The following STXBP5L variants were observed in gnomAD, a reference collection of about 807,000 sequenced individuals.
STXBP5L encodes syntaxin-binding protein 5-like.
STXBP5L carries 65 observed loss-of-function variants against 144.5 expected under a neutral mutation model. That is an observed-to-expected ratio of 0.45 (90% CI 0.37 to 0.55). The LOEUF is 0.55. Ranked by LOEUF, STXBP5L falls within the 20% of genes least tolerant of loss-of-function variation. The probability of loss-of-function intolerance (pLI) is 0.00; values close to 1 mark genes in which losing one functional copy is unlikely to be tolerated. For missense variants in STXBP5L, 1,298 were observed against 1,405.5 expected, an observed-to-expected ratio of 0.92 and a Z score of 1.22; for synonymous variants, 505 against 469.6, an observed-to-expected ratio of 1.08 and a Z score of -0.97.
chr3:121,024,973 A>G (rs1177625685), intron 3 of STXBP5L, among the ~76,000 whole-genome samples: 1 of 152,206 alleles, frequency 6.6e-6, no homozygotes, highest in Non-Finnish European at 1.5e-5. Context: ...ATATAACAGA[A>G]TGTTAAAATG....
At chr3:120,929,913 C>A (rs1325146534) in intron 2 of STXBP5L, among the ~76,000 whole-genome samples, 1 of 151,172 alleles carries the variant, frequency 6.6e-6, no homozygotes, top group Non-Finnish European at 1.5e-5. Context: ...CCTTTCATAT[C>A]CCCTTTCTTC....
intron 18 of STXBP5L, among the ~76,000 whole-genome samples, chr3:121,274,500 C>G (rs1417230242): frequency 3.3e-5 from 5 of 152,196 alleles, no homozygotes; most frequent in Non-Finnish European, 5.9e-5. Context: ...CAAAGTGATT[C>G]CTCTTGGCAC....
rs571035253 is a variant in STXBP5L at position 121,118,486 on chromosome 3, G to A, written c.606-3155G>A. Among the ~76,000 whole-genome samples, 5 of 151,738 alleles carry A rather than the reference G, an allele frequency of 3.3e-5. No homozygotes were observed. The South Asian group carries it at 8.3e-4, about 25-fold the overall frequency. ...AGTTTGTTGGAATGGCTGGTGGATA[G>A]GATAGCAAGGGATAAAGCTGGAAGG... On this transcript the variant is annotated intron_variant, in intron 6 of 26. Transcript: ENST00000471454.
intron 9 of STXBP5L, among the ~76,000 whole-genome samples, chr3:121,189,009 A>T (rs1191458571): frequency 6.6e-6 from 1 of 152,218 alleles, no homozygotes; most frequent in Admixed American, 6.5e-5. Context: ...GGAAAAGAGG[A>T]AGTCAAATTG....
intron 15 of STXBP5L, among the ~76,000 whole-genome samples, chr3:121,252,307 A>AATATCATTTTACT (rs2050052859): frequency 6.6e-6 from 1 of 151,816 alleles, no homozygotes; most frequent in East Asian, 1.9e-4. Context: ...CAGAGGTTGC[A>AATATCATTTTACT]GTGAGCCGAG....
intron 11 of STXBP5L, among the ~76,000 whole-genome samples, chr3:121,224,451 C>T (rs2049059958): frequency 6.6e-6 from 1 of 152,032 alleles, no homozygotes; most frequent in Non-Finnish European, 1.5e-5. Context: ...CATTCTATGG[C>T]CCCAGTACTA....
At chr3:121,345,595 C>T (rs1161132145) in intron 20 of STXBP5L, among the ~76,000 whole-genome samples, 1 of 152,072 alleles carries the variant, frequency 6.6e-6, no homozygotes, top group Non-Finnish European at 1.5e-5. Context: ...CTGTCTTCCA[C>T]AATGGTTGAA....
At chr3:120,987,422 A>G (rs1254467378) in intron 3 of STXBP5L, among the ~76,000 whole-genome samples, 1 of 151,944 alleles carries the variant, frequency 6.6e-6, no homozygotes, top group Non-Finnish European at 1.5e-5. Context: ...ATCTTCCTTG[A>G]AATATGTATT....
intron 5 of STXBP5L, among the ~76,000 whole-genome samples, chr3:121,056,223 GAATAA>G (rs755786302): frequency 3.3e-5 from 5 of 152,056 alleles, no homozygotes; most frequent in Non-Finnish European, 5.9e-5. Flanking sequence ...TCTGAGTAAT[GAATAA>G]AATAAAACAT....
chr3:120,940,616 T>A (rs1049981853), intron 2 of STXBP5L, among the ~76,000 whole-genome samples: 1 of 145,552 alleles, frequency 6.9e-6, no homozygotes, highest in Admixed American at 7.1e-5. Flanking sequence ...CGTAAGAAGA[T>A]GAAAATGAGT....
At position 121,115,030 on chromosome 3, in the gene STXBP5L, T is replaced by C; in HGVS notation, c.576T>C (p.Tyr192=). The change falls in exon 6 of 27, where the codon TAT becomes TAC. Residue 192 remains tyrosine (Y), a synonymous_variant. Coordinates refer to ENST00000471454, the MANE Select transcript of STXBP5L (RefSeq NM_001308330.2). The stretch of plus-strand genomic sequence containing the variant: ...TTGAATCTTTCATTCTTTCTGGATA[T>C]GTTATCATGTGGAACAAGGCAATTG... ...VNIESFILSG[Y]VIMWNKAIEL... 1 of 1,601,870 alleles carries C rather than the reference T, an allele frequency of 6.2e-7. No individual in the cohort carries two copies. The highest frequency in any genetic ancestry group is 8.5e-7 in the Non-Finnish European group (1 of 1,176,232).
intron 25 of STXBP5L, among the ~76,000 whole-genome samples, chr3:121,417,626 C>T (rs1018475545): frequency 2.6e-5 from 4 of 152,094 alleles, no homozygotes; most frequent in Non-Finnish European, 4.4e-5. Context: ...TCACCACTCC[C>T]GGCTAATTTT....
chr3:121,125,034 A>G (rs555493980), intron 7 of STXBP5L, among the ~76,000 whole-genome samples: 1 of 152,310 alleles, frequency 6.6e-6, no homozygotes, highest in South Asian at 2.1e-4. Context: ...TAATTTGTTG[A>G]ATTATGTTAA....
chr3:120,978,742 T>G (rs568366377), intron 3 of STXBP5L, among the ~76,000 whole-genome samples: 1 of 152,346 alleles, frequency 6.6e-6, no homozygotes, highest in African/African-American at 2.4e-5. Context: ...TCCTTTCTGT[T>G]TGTTAGTTTT....
chr3:120,990,033 C>T (rs2462023), intron 3 of STXBP5L, among the ~76,000 whole-genome samples: 77,705 of 151,324 alleles, frequency 0.51, 20,324 homozygotes, highest in Admixed American at 0.6. Flanking sequence ...TGTTTGCAGA[C>T]GACATGATTG....
intron 6 of STXBP5L, among the ~76,000 whole-genome samples, chr3:121,119,238 A>G (rs9875146): frequency 2.0e-5 from 3 of 151,420 alleles, no homozygotes; most frequent in African/African-American, 2.4e-5. Flanking sequence ...CTGTATGGCA[A>G]TAATCAACTG....
intron 3 of STXBP5L, among the ~76,000 whole-genome samples, chr3:121,023,483 C>T (rs924027207): frequency 2.6e-5 from 4 of 152,088 alleles, no homozygotes; most frequent in African/African-American, 9.7e-5. Context: ...CACATTATCC[C>T]ATTGCAAACT....
intron 5 of STXBP5L, chr3:121,099,661 CTTAGTTTAA>C (rs2043314183): frequency 6.5e-6 from 1 of 152,946 alleles, no homozygotes; most frequent in South Asian, 2.1e-4. Context: ...CAGGAGCTTC[CTTAGTTTAA>C]TTAGTTTGCA....
Position 121,254,891 on chromosome 3 carries a change from A to G in STXBP5L, c.1442-4A>G, listed in dbSNP as rs555557839. 1 of 1,603,912 alleles carries G rather than the reference A, an allele frequency of 6.2e-7. No individual in the cohort carries two copies. Among genetic ancestry groups the G allele is most frequent in the African/African-American group, 1.3e-5 (1 of 74,502 alleles). ...GAAGATAACTGTGCTTCGATGTCTT[A>G]TAGTAACTCTGCAGATGCTGTACAA... On this transcript the variant is annotated splice_polypyrimidine_tract_variant and splice_region_variant and intron_variant, in intron 15 of 26. Coordinates refer to ENST00000471454, the MANE Select transcript of STXBP5L (RefSeq NM_001308330.2).
Sources: allele counts gnomAD v4.1 joint callset (sites outside exome capture counted in the v4.1 genomes callset), GRCh38; gene constraint gnomAD v4.1.1; transcripts MANE v1.5; gene names NCBI Gene and HGNC (gene_info 2026-07-23, HGNC 2026-07-21).